Variants in MYCBP2 observed in about 807,000 individuals in gnomAD.
MYCBP2 encodes the protein E3 ubiquitin-protein ligase MYCBP2.
Under a neutral mutation model 525.3 loss-of-function variants are expected in MYCBP2, and 120 were observed. That is an observed-to-expected ratio of 0.23 (90% CI 0.20 to 0.27). The LOEUF (loss-of-function observed/expected upper bound fraction) is 0.27, where lower values mean the gene tolerates loss of function less well. Ranked by LOEUF, MYCBP2 falls within the 10% of genes least tolerant of loss-of-function variation. The pLI is 1.00. For missense variants in MYCBP2, 4,149 were observed against 5,657.1 expected, an observed-to-expected ratio of 0.73 and a Z score of 8.55; for synonymous variants, 1,894 against 1,955.8, an observed-to-expected ratio of 0.97 and a Z score of 0.83.
At chr13:77,140,269 A>T in intron 50 of MYCBP2, 106 bp from the exon 51 acceptor site, 1 of 634,136 alleles carries the variant, frequency 1.6e-6, no homozygotes, top group East Asian at 2.8e-5. Flanking sequence ...GTAATTCTTA[A>T]TAAGGTTCCA....
At chr13:77,069,854 C>G (rs1018269874) in intron 69 of MYCBP2, among the ~76,000 whole-genome samples, 2 of 150,730 alleles carry the variant, frequency 1.3e-5, no homozygotes, top group Admixed American at 1.3e-4. Flanking sequence ...GGCAACAGAG[C>G]GAGACTCCCT....
intron 30 of MYCBP2, 46 bp downstream of exon 30, chr13:77,188,905 C>T: frequency 7.7e-7 from 1 of 1,301,620 alleles, no homozygotes. Context: ...CAAAATGTAT[C>T]TGAGGACTGA....
In MYCBP2 at chr13:77,294,141, T is replaced by C. The variant is rs1250930310; in HGVS notation, c.378+2458A>G. On this transcript the variant is annotated intron_variant, in intron 2 of 82. Transcript: ENST00000544440. ...ATATATATATATATACATATATATA[T>C]ACATATATATAAAATATATATAAAG... Among the ~76,000 whole-genome samples, 202 of 130,892 alleles carry C rather than the reference T, an allele frequency of 1.5e-3. 5 individuals are homozygous for C. The highest frequency in any genetic ancestry group is 4.9e-3 in the African/African-American group (175 of 35,874). The allele number at this position is 130,892 out of a possible 152,430, so 85.9% of individuals were successfully genotyped here.
intron 13 of MYCBP2, among the ~76,000 whole-genome samples, chr13:77,259,429 CAAT>C (rs1369395484): frequency 6.6e-6 from 1 of 152,186 alleles, no homozygotes; most frequent in Admixed American, 6.6e-5. Flanking sequence ...CACCCATGCT[CAAT>C]AAATATATGT....
intron 62 of MYCBP2, among the ~76,000 whole-genome samples, chr13:77,086,325 C>T (rs148594764): frequency 2.6e-5 from 4 of 152,164 alleles, no homozygotes; most frequent in African/African-American, 9.6e-5. Context: ...CAATTATTCT[C>T]ACTGTCCCTC....
intron 15 of MYCBP2, among the ~76,000 whole-genome samples, chr13:77,247,396 G>A (rs1049945211): frequency 1.1e-4 from 16 of 152,126 alleles, no homozygotes; most frequent in Non-Finnish European, 2.9e-5. Context: ...GAGGTGAAAT[G>A]AGAACTACAA....
intron 46 of MYCBP2, among the ~76,000 whole-genome samples, chr13:77,151,691 TTC>T (rs879426499): frequency 1.6e-4 from 25 of 152,328 alleles, no homozygotes; most frequent in Non-Finnish European, 2.9e-4. Flanking sequence ...TAGATATATT[TTC>T]CAGGAATTAT....
At chr13:77,104,438 T>C (rs1199581550) in intron 55 of MYCBP2, among the ~76,000 whole-genome samples, 1 of 152,030 alleles carries the variant, frequency 6.6e-6, no homozygotes, top group South Asian at 2.1e-4. Context: ...AGAGAGGGAA[T>C]GAACAAATAA....
At chr13:77,131,659 A>C (rs2154173327) in intron 52 of MYCBP2, among the ~76,000 whole-genome samples, 1 of 152,318 alleles carries the variant, frequency 6.6e-6, no homozygotes, top group South Asian at 2.1e-4. Flanking sequence ...TAGCTTTCAT[A>C]TAGTATAATT....
intron 30 of MYCBP2, among the ~76,000 whole-genome samples, chr13:77,188,263 C>T (rs954177445): frequency 1.3e-5 from 2 of 152,062 alleles, no homozygotes; most frequent in Non-Finnish European, 2.9e-5. Flanking sequence ...AAACATTCTT[C>T]CTATGCATTT....
At position 77,113,812 on chromosome 13, in the gene MYCBP2, T is replaced by C. The variant is rs576761993; in HGVS notation, c.8140+7561A>G. ...AGCCCATGCCTAAAATGATTTGTAT[T>C]TGTAGGGATGCTGGAGATGTTAGCC... On this transcript the variant is annotated intron_variant, in intron 55 of 82. Transcript: ENST00000544440. Among the ~76,000 whole-genome samples the C allele has an allele frequency of 3.3e-5, 5 of 152,290 alleles. No homozygotes were observed. In the South Asian group the frequency reaches 1.0e-3, roughly 32 times the overall value.
chr13:77,205,426 T>A (rs1431244040), intron 25 of MYCBP2, 43 bp from the exon 26 acceptor site: 2 of 1,612,278 alleles, frequency 1.2e-6, no homozygotes, highest in East Asian at 2.2e-5. Flanking sequence ...AAGATCCATA[T>A]ATATTTCAGT....
At chr13:77,267,753 T>C in intron 8 of MYCBP2, 88 bp downstream of exon 8, 1 of 1,030,552 alleles carries the variant, frequency 9.7e-7, no homozygotes, top group Non-Finnish European at 1.5e-6. Context: ...CACTATCCCT[T>C]GCTAATCATT....
chr13:77,245,153 G>A (rs183151597), intron 15 of MYCBP2, among the ~76,000 whole-genome samples: 6 of 152,306 alleles, frequency 3.9e-5, no homozygotes, highest in African/African-American at 1.4e-4. Flanking sequence ...TTACACTGTT[G>A]GTGGGAGTGT....
In MYCBP2 at chr13:77,192,159, T is replaced by A. The variant is rs964729381; in HGVS notation, c.3936-346A>T. Reference sequence around the variant, plus strand: ...ATCTGAACTTTAGTTTTAAAGCTCATTCATTCAGCTAAATAGTTTTGAAAG... The same window carrying A: ...ATCTGAACTTTAGTTTTAAAGCTCAATCATTCAGCTAAATAGTTTTGAAAG... On this transcript the variant is annotated intron_variant, in intron 27 of 82. Transcript: ENST00000544440. Among the ~76,000 whole-genome samples the A allele has an allele frequency of 2.0e-5, 3 of 152,260 alleles. No individual in the cohort carries two copies. The East Asian group carries it at 5.8e-4, about 29-fold the overall frequency.
intron 39 of MYCBP2, 34 bp from the exon 40 acceptor site, chr13:77,168,680 T>C (rs988527326): frequency 6.3e-7 from 1 of 1,581,762 alleles, no homozygotes; most frequent in Admixed American, 1.7e-5. Flanking sequence ...TTAAATGAGA[T>C]ACACGTGAAA....
chr13:77,137,252 G>T (rs1156643291), intron 52 of MYCBP2, among the ~76,000 whole-genome samples: 2 of 152,122 alleles, frequency 1.3e-5, no homozygotes, highest in African/African-American at 4.8e-5. Flanking sequence ...AAAATCGTGG[G>T]ATTCAGAATT....
chr13:77,180,408 T>C (rs965393636), intron 33 of MYCBP2, 90 bp from the exon 34 acceptor site: 11 of 1,102,324 alleles, frequency 1.0e-5, no homozygotes, highest in Non-Finnish European at 1.2e-5. Context: ...CTGATACTCT[T>C]AAAATTCAGA....
chr13:77,233,591 T>C (rs909330566), intron 17 of MYCBP2, among the ~76,000 whole-genome samples: 1 of 152,010 alleles, frequency 6.6e-6, no homozygotes, highest in Non-Finnish European at 1.5e-5. Context: ...ACAAATACTT[T>C]TTTAATATCA....
Sources: gnomAD v4.1 joint callset for allele counts (sites outside exome capture counted in the v4.1 genomes callset) on GRCh38, gnomAD v4.1.1 for gene constraint, MANE v1.5 for transcripts, NCBI Gene and HGNC (gene_info 2026-07-23, HGNC 2026-07-21) for gene names.